CLDN10: variants seen among roughly 807,000 people sequenced by gnomAD.
CLDN10 encodes claudin-10.
A neutral mutation model predicts 22.9 loss-of-function variants in CLDN10; 15 were observed. That is an observed-to-expected ratio of 0.65 (90% confidence interval 0.44 to 1.01). The LOEUF (loss-of-function observed/expected upper bound fraction) is 1.01, where lower values mean the gene tolerates loss of function less well. Among genes scored for constraint, CLDN10 ranks in the 50% least tolerant of loss-of-function variants. CLDN10 has a pLI of 0.00. For missense variants in CLDN10, 247 were observed against 287.8 expected (o/e 0.86, Z 1.03); for synonymous variants, 114 against 111.4 (o/e 1.02, Z -0.15).
At chr13:95,495,260 G>C (rs1594562839) in intron 1 of CLDN10, among the ~76,000 whole-genome samples, 3 of 151,560 alleles carry the variant, frequency 2.0e-5, no homozygotes, top group Non-Finnish European at 4.4e-5. Flanking sequence ...TGGTCTCGAA[G>C]TCCTGACCTC....
chr13:95,481,542 G>A (rs1007077598), intron 1 of CLDN10, among the ~76,000 whole-genome samples: 1 of 152,200 alleles, frequency 6.6e-6, no homozygotes, highest in African/African-American at 2.4e-5. Context: ...TGAGGGCCAT[G>A]TGGTTTCTGT....
intron 1 of CLDN10, among the ~76,000 whole-genome samples, chr13:95,478,986 C>G (rs958555933): frequency 1.3e-5 from 2 of 152,180 alleles, no homozygotes; most frequent in African/African-American, 4.8e-5. Flanking sequence ...ATTTTATTAG[C>G]CAGTGGTTAA....
intron 1 of CLDN10, among the ~76,000 whole-genome samples, chr13:95,439,985 C>T (rs1389320048): frequency 1.3e-5 from 2 of 151,364 alleles, no homozygotes; most frequent in Non-Finnish European, 2.9e-5. Flanking sequence ...GTGATCCCAA[C>T]TCACCACAAC....
At chr13:95,537,626 C>A (rs1205021819) in intron 1 of CLDN10, among the ~76,000 whole-genome samples, 3 of 152,290 alleles carry the variant, frequency 2.0e-5, no homozygotes, top group Middle Eastern at 3.4e-3. Context: ...TAACCAAATT[C>A]TTTACTTGAA....
chr13:95,575,015 C>T (rs2043906381), intron 3 of CLDN10, among the ~76,000 whole-genome samples: 1 of 152,042 alleles, frequency 6.6e-6, no homozygotes, highest in South Asian at 2.1e-4. Context: ...CTTCATCCCC[C>T]AACTGGCCAC....
rs1457244544 is a variant in CLDN10, at chr13:95,475,161, AGGAT to A, written c.214+41115_214+41118del. Among the ~76,000 whole-genome samples, 17 of 45,766 alleles carry A rather than the reference AGGAT, an allele frequency of 3.7e-4. No homozygotes were observed. In the South Asian group the frequency reaches 5.3e-3, roughly 14 times the overall value. The allele number at this position is 45,766 out of a possible 152,430, so 30.0% of individuals were successfully genotyped here. A position where few individuals can be genotyped will look rare whatever the true frequency, so the allele number is the denominator to read the frequency against. ...AGTGCTGTCCCACAACTCGGATCAG[AGGAT>A]CAGACGGCAGCAGCTCCCTGCCAGG... On this transcript the variant is annotated intron_variant, in intron 1 of 4. Coordinates refer to the CLDN10 transcript ENST00000376873.
intron 1 of CLDN10, among the ~76,000 whole-genome samples, chr13:95,437,845 A>G (rs555427588): frequency 1.3e-5 from 2 of 152,158 alleles, no homozygotes; most frequent in Non-Finnish European, 2.9e-5. Context: ...CCTTGACTTC[A>G]GCAATGACAT....
intron 1 of CLDN10, among the ~76,000 whole-genome samples, chr13:95,471,672 G>A (rs1486972398): frequency 3.3e-5 from 5 of 151,850 alleles, no homozygotes; most frequent in East Asian, 1.9e-4. Flanking sequence ...GGCTGGCCTC[G>A]AACTCCTGAC....
chr13:95,434,194 G>A lies in CLDN10; in HGVS notation c.214+147G>A. 5 of 671,208 alleles carry A rather than the reference G, an allele frequency of 7.4e-6. No individual in the cohort carries two copies. In the East Asian group the frequency reaches 1.1e-4, roughly 15 times the overall value. The allele number at this position is 671,208 out of a possible 1,614,324, so 41.6% of individuals were successfully genotyped here. On this transcript the variant is annotated intron_variant, in intron 1 of 4. Transcript: ENST00000376873. Reference sequence around the variant, plus strand: ...AAGATTTGCCTAGGAAGGATGGGGTGTATGAGTATTGGCTGAAAGAATGAC... The same window carrying A: ...AAGATTTGCCTAGGAAGGATGGGGTATATGAGTATTGGCTGAAAGAATGAC...
intron 1 of CLDN10, among the ~76,000 whole-genome samples, chr13:95,554,623 C>T (rs556282833): frequency 6.6e-6 from 1 of 152,090 alleles, no homozygotes; most frequent in Non-Finnish European, 1.5e-5. Flanking sequence ...TTCCTGTGTG[C>T]TCATGTGACT....
chr13:95,442,563 G>A (rs1290201518), intron 1 of CLDN10, among the ~76,000 whole-genome samples: 3 of 152,190 alleles, frequency 2.0e-5, no homozygotes, highest in African/African-American at 4.8e-5. Context: ...TCAATCACAC[G>A]TTCTAATAGC....
intron 1 of CLDN10, among the ~76,000 whole-genome samples, chr13:95,467,528 T>TGG (rs1416383460): frequency 2.3e-5 from 3 of 132,526 alleles, no homozygotes; most frequent in African/African-American, 8.0e-5. Flanking sequence ...ATTGTTTTTT[T>TGG]TGGGGGGGGC....
At chr13:95,550,690 A>C (rs537800718), upstream of CLDN10, among the ~76,000 whole-genome samples, 341 of 152,262 alleles carry the variant, frequency 2.2e-3, 2 homozygotes, top group African/African-American at 7.8e-3. Flanking sequence ...GCTGGAGGGC[A>C]AAAAAACAGA....
rs555546555 is a variant in CLDN10 at position 95,552,750 on chromosome 13, C to T, written c.-4C>T. The T allele has an allele frequency of 5.0e-6, 8 of 1,607,040 alleles. No individual in the cohort carries two copies. In the East Asian group the frequency reaches 1.6e-4, roughly 32 times the overall value. ...GGAGAGCGAGCGCGGCTGCAGCCGG[C>T]GGCATGGCTAGCACGGCTTCGGAGA... On this transcript the variant is annotated 5_prime_UTR_variant, in exon 1 of 5. Transcript: ENST00000299339.
intron 1 of CLDN10, among the ~76,000 whole-genome samples, chr13:95,511,055 G>C (rs2043091944): frequency 1.3e-5 from 2 of 152,146 alleles, no homozygotes; most frequent in South Asian, 4.1e-4. Flanking sequence ...TCAGGCATAA[G>C]AATTTTCTAG....
rs746573300 is a variant in CLDN10, at chr13:95,471,440, C to CACACACATATATATATAT, written c.214+37394_214+37395insCACACATATATATATATA. Among the ~76,000 whole-genome samples the CACACACATATATATATAT allele has an allele frequency of 4.4e-3, 455 of 104,190 alleles. 4 individuals are homozygous for CACACACATATATATATAT. The highest frequency in any genetic ancestry group is 6.7e-3 in the Non-Finnish European group (359 of 53,584). 68.4% of individuals were successfully genotyped at this position (104,190 alleles called of 152,430 possible). On this transcript the variant is annotated intron_variant, in intron 1 of 4. Coordinates refer to the CLDN10 transcript ENST00000376873. ...ATATACACACACACACACACACACA[C>CACACACATATATATATAT]ATATATATATATATTTTTTTTTTTT... is the stretch of plus-strand genomic sequence containing the variant.
rs186171631 is a variant in CLDN10, at chr13:95,554,803, T to C, written c.220+1830T>C. On this transcript the variant is annotated intron_variant, in intron 1 of 4. Coordinates refer to ENST00000299339, the MANE Select transcript of CLDN10 (RefSeq NM_006984.5). ...ATAAAATGGCTTAGTTAACCATAGA[T>C]CCATTGTGGACATTGGACCTTTTCC... Among the ~76,000 whole-genome samples, 6 of 152,340 alleles carry C rather than the reference T, an allele frequency of 3.9e-5. No individual in the cohort carries two copies. The East Asian group carries it at 1.2e-3, about 29-fold the overall frequency.
chr13:95,570,858 G>GTGTGTATATA (rs60359070), intron 3 of CLDN10, among the ~76,000 whole-genome samples: 1 of 119,706 alleles, frequency 8.4e-6, no homozygotes, highest in Non-Finnish European at 1.7e-5. Context: ...ATATACGTGT[G>GTGTGTATATA]TATATATATA....
chr13:95,475,794 C>CTCTCTG (rs1555290319), intron 1 of CLDN10, among the ~76,000 whole-genome samples: 5 of 151,330 alleles, frequency 3.3e-5, no homozygotes, highest in Non-Finnish European at 7.4e-5. Context: ...GCATCTCTCT[C>CTCTCTG]TCTCTCTCTG....
Sources: allele counts gnomAD v4.1 joint callset (sites outside exome capture counted in the v4.1 genomes callset), GRCh38; gene constraint gnomAD v4.1.1; transcripts MANE v1.5; gene names NCBI Gene and HGNC (gene_info 2026-07-23, HGNC 2026-07-21).